Variants in PPP2R5C observed in about 807,000 individuals in gnomAD.
The protein encoded by PPP2R5C is protein phosphatase 2 regulatory subunit B'gamma, also known as serine/threonine-protein phosphatase 2A 56 kDa regulatory subunit gamma isoform.
Under a neutral mutation model 68.9 loss-of-function variants are expected in PPP2R5C, and 7 were observed. The ratio of observed to expected loss-of-function variants is 0.10; its 90% CI spans 0.06 to 0.19. The LOEUF (loss-of-function observed/expected upper bound fraction) is 0.19, where lower values mean the gene tolerates loss of function less well. Among genes scored for constraint, PPP2R5C ranks in the 10% least tolerant of loss-of-function variants. PPP2R5C has a pLI of 1.00. For missense variants in PPP2R5C, 348 were observed against 641.3 expected, an observed-to-expected ratio of 0.54 and a Z score of 4.94; for synonymous variants, 210 against 222.2, an observed-to-expected ratio of 0.95 and a Z score of 0.49.
At chr14:101,859,364 C>T (rs1342609256) in intron 2 of PPP2R5C, among the ~76,000 whole-genome samples, 2 of 152,200 alleles carry the variant, frequency 1.3e-5, no homozygotes, top group Admixed American at 6.5e-5. Context: ...GGGAAGAAGG[C>T]GCAGAGTGGA....
chr14:101,802,485 G>T (rs928843185), intron 3 of PPP2R5C, among the ~76,000 whole-genome samples: 1 of 152,080 alleles, frequency 6.6e-6, no homozygotes, highest in African/African-American at 2.4e-5. Context: ...GCTCAAAATG[G>T]ATCAAACACC....
At chr14:101,914,718 T>C (rs2046570297) in intron 12 of PPP2R5C, 1 of 153,032 alleles carries the variant, frequency 6.5e-6, no homozygotes, top group Non-Finnish European at 1.5e-5. Flanking sequence ...GTGTGTCTTA[T>C]TTGAGCAGTT....
rs1219764323 is a variant in PPP2R5C at position 101,785,978 on chromosome 14, C to T, written c.94-40C>T. 3 of 1,492,026 alleles carry T rather than the reference C, an allele frequency of 2.0e-6. No individual in the cohort carries two copies. In the East Asian group the frequency reaches 7.5e-5, roughly 37 times the overall value. 92.4% of individuals were successfully genotyped at this position (1,492,026 alleles called of 1,614,324 possible). Reference sequence around the variant, plus strand: ...TTTTAATAGTGCTACAAAATACAACCATTGTACATATTCATTTGTTTTTGT... The same window carrying T: ...TTTTAATAGTGCTACAAAATACAACTATTGTACATATTCATTTGTTTTTGT... On this transcript the variant is annotated intron_variant, in intron 2 of 14. Transcript: ENST00000328724.
At chr14:101,793,306 G>A (rs1363523685) in intron 3 of PPP2R5C, among the ~76,000 whole-genome samples, 1 of 152,228 alleles carries the variant, frequency 6.6e-6, no homozygotes, top group Non-Finnish European at 1.5e-5. Flanking sequence ...AATGGAGGGA[G>A]CGAGGATATA....
intron 1 of PPP2R5C, among the ~76,000 whole-genome samples, chr14:101,837,630 G>A (rs1039347475): frequency 6.6e-6 from 1 of 152,168 alleles, no homozygotes; most frequent in African/African-American, 2.4e-5. Flanking sequence ...GAGCTTCGTC[G>A]CTCAAGCAAA....
At position 101,856,928 on chromosome 14, in the gene PPP2R5C, A is replaced by G. The variant is rs775339854; in HGVS notation, c.294+43A>G. 5 of 1,576,288 alleles carry G rather than the reference A, an allele frequency of 3.2e-6. No homozygotes were observed. In the Admixed American group the frequency reaches 5.0e-5, roughly 16 times the overall value. On this transcript the variant is annotated intron_variant, in intron 2 of 13. Transcript: ENST00000334743. ...AACCAGTGTGTCCCAGTTCTGATTT[A>G]TAAACAGGACAGGCCAAGATCTCTG...
chr14:101,864,836 G>T (rs779777048), intron 2 of PPP2R5C, among the ~76,000 whole-genome samples: 1 of 152,174 alleles, frequency 6.6e-6, no homozygotes, highest in Non-Finnish European at 1.5e-5. Context: ...TTGGGTGGGA[G>T]AGCTGGGACC....
intron 1 of PPP2R5C, among the ~76,000 whole-genome samples, chr14:101,816,560 A>C (rs771059454): frequency 6.6e-6 from 1 of 152,152 alleles, no homozygotes; most frequent in Non-Finnish European, 1.5e-5. Context: ...CAGCTGGAGA[A>C]AGTGGAGTGC....
intron 1 of PPP2R5C, among the ~76,000 whole-genome samples, chr14:101,850,973 C>G (rs569411658): frequency 7.2e-5 from 11 of 152,266 alleles, no homozygotes; most frequent in Admixed American, 3.3e-4. Context: ...TCGTTTTGTA[C>G]TAAGAATAAA....
At chr14:101,802,106 C>T (rs1045801464) in intron 3 of PPP2R5C, among the ~76,000 whole-genome samples, 1 of 152,172 alleles carries the variant, frequency 6.6e-6, no homozygotes, top group African/African-American at 2.4e-5. Context: ...ACTGGGTACT[C>T]ACATGCAAAA....
intron 2 of PPP2R5C, among the ~76,000 whole-genome samples, chr14:101,769,705 T>C (rs946268808): frequency 5.3e-5 from 8 of 152,258 alleles, no homozygotes; most frequent in Admixed American, 2.0e-4. Context: ...AGTTTTCTTT[T>C]ACATATTCAG....
At chr14:101,919,988 A>AAC (rs2046926040) in intron 13 of PPP2R5C, among the ~76,000 whole-genome samples, 1 of 151,628 alleles carries the variant, frequency 6.6e-6, no homozygotes, top group African/African-American at 2.4e-5. Context: ...AAAAAAAAAA[A>AAC]AAAACCAATT....
upstream of PPP2R5C, among the ~76,000 whole-genome samples, chr14:101,761,222 G>A (rs888202386): frequency 6.6e-6 from 1 of 152,224 alleles, no homozygotes; most frequent in African/African-American, 2.4e-5. Context: ...GGCGGTGAGG[G>A]GGCAAGGCCA....
chr14:101,841,671 C>G (rs542109070), intron 1 of PPP2R5C, among the ~76,000 whole-genome samples: 2 of 152,264 alleles, frequency 1.3e-5, no homozygotes, highest in African/African-American at 4.8e-5. Flanking sequence ...ACCTTCCAGT[C>G]GCAGACACAA....
chr14:101,848,686 C>A (rs528696815), intron 1 of PPP2R5C, among the ~76,000 whole-genome samples: 1 of 152,090 alleles, frequency 6.6e-6, no homozygotes, highest in Non-Finnish European at 1.5e-5. Context: ...ATCGTGCAGC[C>A]GAATGTACCC....
intron 1 of PPP2R5C, among the ~76,000 whole-genome samples, chr14:101,816,387 G>A (rs1349416977): frequency 6.6e-6 from 1 of 152,180 alleles, no homozygotes; most frequent in South Asian, 2.1e-4. Context: ...GCAGGTAGAA[G>A]TCTGGCTTTA....
chr14:101,889,897 G>A, intron 5 of PPP2R5C: 1 of 463,464 alleles, frequency 2.2e-6, no homozygotes, highest in Non-Finnish European at 4.2e-6. Flanking sequence ...ATGTGCGTGT[G>A]ATCAAGCAGA....
intron 1 of PPP2R5C, chr14:101,836,532 A>G: frequency 1.7e-6 from 1 of 573,170 alleles, no homozygotes; most frequent in Admixed American, 3.0e-5. Context: ...AATATTGTTT[A>G]GACAAAATAA....
At chr14:101,770,496 A>C (rs2037088396) in intron 2 of PPP2R5C, among the ~76,000 whole-genome samples, 1 of 152,200 alleles carries the variant, frequency 6.6e-6, no homozygotes, top group Non-Finnish European at 1.5e-5. Context: ...GTAAAGAGCC[A>C]CCTGGAGCTT....
Sources: gnomAD v4.1 joint callset for allele counts (sites outside exome capture counted in the v4.1 genomes callset) on GRCh38, gnomAD v4.1.1 for gene constraint, MANE v1.5 for transcripts, NCBI Gene and HGNC (gene_info 2026-07-23, HGNC 2026-07-21) for gene names.